Variants in ZC3H6 observed in about 807,000 individuals in gnomAD.
ZC3H6 encodes the protein zinc finger CCCH domain-containing protein 6.
ZC3H6 carries 40 observed loss-of-function variants against 107.7 expected under a neutral mutation model. The ratio of observed to expected loss-of-function variants is 0.37; its 90% CI spans 0.29 to 0.48. The LOEUF (loss-of-function observed/expected upper bound fraction) is 0.48. Ranked by LOEUF, ZC3H6 falls within the 20% of genes least tolerant of loss-of-function variation. ZC3H6 has a pLI of 0.98. For missense variants in ZC3H6, 1,267 were observed against 1,410.4 expected (o/e 0.90, Z 1.63); for synonymous variants, 493 against 487.9 (o/e 1.01, Z -0.14).
chr2:112,302,304 ACAAAGACAAAAG>A (rs1421510346), intron 2 of ZC3H6, among the ~76,000 whole-genome samples: 1 of 152,154 alleles, frequency 6.6e-6, no homozygotes, highest in Non-Finnish European at 1.5e-5. Context: ...TATCAAATCA[ACAAAGACAAAAG>A]CAATAAAATC....
intron 1 of ZC3H6, among the ~76,000 whole-genome samples, chr2:112,294,171 C>T (rs1676174091): frequency 6.6e-6 from 1 of 152,140 alleles, no homozygotes; most frequent in African/African-American, 2.4e-5. Flanking sequence ...TCTGCCAAAG[C>T]TTAGGTCAGC....
chr2:112,328,326 T>C (rs963439639), intron 11 of ZC3H6, among the ~76,000 whole-genome samples: 1 of 152,216 alleles, frequency 6.6e-6, no homozygotes, highest in Non-Finnish European at 1.5e-5. Context: ...GAGTCCTTTG[T>C]GGTTCCATAT....
intron 3 of ZC3H6, among the ~76,000 whole-genome samples, chr2:112,309,325 TAAAC>T (rs1676552671): frequency 6.6e-6 from 1 of 152,228 alleles, no homozygotes; most frequent in South Asian, 2.1e-4. Context: ...TTTGTTGTAA[TAAAC>T]AGTTTCTAAT....
intron 1 of ZC3H6, among the ~76,000 whole-genome samples, chr2:112,278,549 C>G (rs764720997): frequency 2.0e-5 from 3 of 152,170 alleles, no homozygotes; most frequent in Non-Finnish European, 2.9e-5. Flanking sequence ...GAACTCCTGA[C>G]CTCAAGTGAT....
intron 1 of ZC3H6, among the ~76,000 whole-genome samples, chr2:112,281,772 A>T (rs1421444346): frequency 6.6e-6 from 1 of 152,146 alleles, no homozygotes; most frequent in East Asian, 1.9e-4. Flanking sequence ...GATACCACTC[A>T]AGGTATGTGT....
At position 112,331,786 on chromosome 2, in the gene ZC3H6, A is replaced by G. The variant is rs780019628; in HGVS notation, c.2868A>G (p.Ser956=). 1.2e-6 allele frequency: 2 copies of G among 1,613,822 alleles called. No individual in the cohort carries two copies. Among genetic ancestry groups the G allele is most frequent in the South Asian group, 2.2e-5 (2 of 91,082 alleles). ...AACAATTTGGAGACTCACACGGTTC[A>G]GGAGCTAAATTAGGAGATCCTAGAC... is the stretch of plus-strand genomic sequence containing the variant. The part of the protein sequence containing the change: ...YLEQFGDSHG[S]GAKLGDPRLQ... The change falls in exon 12 of 12, where the codon TCA becomes TCG. Residue 956 remains serine, a synonymous_variant. Transcript: ENST00000409871.
At position 112,303,292 on chromosome 2, in the gene ZC3H6, G is replaced by A; in HGVS notation, c.277G>A (p.Glu93Lys). Residue 93 changes from glutamate (E) to lysine (K), a missense_variant, in exon 3 of 12, where the codon GAA (glutamate) becomes AAA (lysine). Physicochemically the swap from Glu to Lys is moderately conservative, Grantham distance 56. Coordinates refer to ENST00000409871, the MANE Select transcript of ZC3H6 (RefSeq NM_198581.3). ...YSLDSDVEHT[E>K]SSHKKRTGFY... is the part of the protein sequence containing the mutation. ...CCTTGATTCAGATGTTGAACATACA[G>A]AAAGTTCCCATAAAAAAAGAACTGG... The A allele has an allele frequency of 6.2e-7, 1 of 1,613,164 alleles. No individual in the cohort carries two copies. The highest frequency in any genetic ancestry group is 8.5e-7 in the Non-Finnish European group (1 of 1,179,378).
At chr2:112,309,801 TG>T (rs1399518534) in intron 3 of ZC3H6, 83 bp from the exon 4 acceptor site, 4 of 1,365,316 alleles carry the variant, frequency 2.9e-6, no homozygotes, top group East Asian at 2.5e-5. Context: ...CCAAACTTGC[TG>T]GGGGGAAAAG....
intron 1 of ZC3H6, among the ~76,000 whole-genome samples, chr2:112,276,459 TA>T (rs77791885): frequency 0.65 from 99,024 of 151,868 alleles, 34,256 homozygotes; most frequent in African/African-American, 0.9. Context: ...AGAACACCTC[TA>T]AAAAAATAAA....
chr2:112,290,426 A>T (rs1367796815), intron 1 of ZC3H6, among the ~76,000 whole-genome samples: 8 of 152,384 alleles, frequency 5.2e-5, no homozygotes, highest in African/African-American at 1.9e-4. Flanking sequence ...CACTTCCCTG[A>T]CGGATGACTT....
At chr2:112,288,082 T>TG (rs1204607946) in intron 1 of ZC3H6, among the ~76,000 whole-genome samples, 1 of 152,218 alleles carries the variant, frequency 6.6e-6, no homozygotes, top group Non-Finnish European at 1.5e-5. Flanking sequence ...ATTGTTGCCT[T>TG]GGGGAGACTT....
rs371174544 is a variant in ZC3H6 at position 112,289,470 on chromosome 2, G to T, written c.33-10379G>T. On this transcript the variant is annotated intron_variant, in intron 1 of 11. Transcript: ENST00000409871. ...TTCCCAAGTAGCTGGGATTACAGGC[G>T]CCCGCAACCACGCCCAGCTGATTTA... Among the ~76,000 whole-genome samples, 97 of 151,452 alleles carry T rather than the reference G, an allele frequency of 6.4e-4. 1 individual carries two copies. Among genetic ancestry groups the T allele is most frequent in the African/African-American group, 2.1e-3 (87 of 41,114 alleles).
chr2:112,303,412 C>G, intron 3 of ZC3H6, 61 bp downstream of exon 3: 1 of 1,283,354 alleles, frequency 7.8e-7, no homozygotes, highest in East Asian at 2.4e-5. Context: ...CCATTTTAAC[C>G]CTTTTAACTG....
At position 112,331,533 on chromosome 2, in the gene ZC3H6, A is replaced by G. The variant is rs1282406390; in HGVS notation, c.2615A>G (p.Asn872Ser). ...ATGGACATTACTCTAACCAAACCCA[A>G]CTTTGCAAAACACATCGTGTGGGCT... ...IKMDITLTKP[N>S]FAKHIVWAPE... The change falls in exon 12 of 12, where the codon AAC (asparagine) becomes AGC (serine). Residue 872 changes from asparagine (N) to serine (S), a missense_variant. Transcript: ENST00000409871. The G allele has an allele frequency of 1.5e-5, 24 of 1,613,870 alleles. No homozygotes were observed. The highest frequency in any genetic ancestry group is 1.6e-4 in the Middle Eastern group (1 of 6,062).
chr2:112,318,379 A>G (rs958993232), intron 7 of ZC3H6, among the ~76,000 whole-genome samples: 1 of 152,232 alleles, frequency 6.6e-6, no homozygotes, highest in Non-Finnish European at 1.5e-5. Context: ...TAATGAAGTG[A>G]GAAAGATTAT....
intron 1 of ZC3H6, among the ~76,000 whole-genome samples, chr2:112,287,182 A>G (rs973562154): frequency 1.3e-5 from 2 of 152,046 alleles, no homozygotes; most frequent in African/African-American, 4.8e-5. Context: ...ATTCTAAGGG[A>G]ATTTTGTTTT....
intron 1 of ZC3H6, among the ~76,000 whole-genome samples, chr2:112,287,347 C>CA (rs939216467): frequency 6.6e-6 from 1 of 151,284 alleles, no homozygotes; most frequent in Non-Finnish European, 1.5e-5. Flanking sequence ...TAAAATGTCT[C>CA]AAAAAAAAGC....
At chr2:112,279,923 G>A (rs1686497385) in intron 1 of ZC3H6, among the ~76,000 whole-genome samples, 1 of 152,218 alleles carries the variant, frequency 6.6e-6, no homozygotes, top group Admixed American at 6.5e-5. Flanking sequence ...GCACAGCAAA[G>A]TAATGGAATA....
At chr2:112,283,544 G>A (rs1020627559) in intron 1 of ZC3H6, among the ~76,000 whole-genome samples, 1 of 152,126 alleles carries the variant, frequency 6.6e-6, no homozygotes, top group Non-Finnish European at 1.5e-5. Context: ...CCTAGATTTG[G>A]AACACTCATG....
Sources: allele counts gnomAD v4.1 joint callset (sites outside exome capture counted in the v4.1 genomes callset), GRCh38; gene constraint gnomAD v4.1.1; transcripts MANE v1.5; gene names NCBI Gene and HGNC (gene_info 2026-07-23, HGNC 2026-07-21).